Variants in SUGP2 observed in about 807,000 individuals in gnomAD.
The protein encoded by SUGP2 is SURP and G-patch domain containing 2, also known as SURP and G-patch domain-containing protein 2.
Under a neutral mutation model 90.5 loss-of-function variants are expected in SUGP2, and 24 were observed. The ratio of observed to expected loss-of-function variants is 0.27; its 90% CI spans 0.19 to 0.37. The LOEUF (loss-of-function observed/expected upper bound fraction) is 0.37. Among genes scored for constraint, SUGP2 ranks in the 10% least tolerant of loss-of-function variants. The probability of loss-of-function intolerance (pLI) is 1.00; values close to 1 mark genes in which losing one functional copy is unlikely to be tolerated. For missense variants in SUGP2, 1,233 were observed against 1,363.3 expected (o/e 0.90, Z 1.51); for synonymous variants, 473 against 513.4 (o/e 0.92, Z 1.06).
At chr19:19,016,122 T>C (rs1490081448) in intron 4 of SUGP2, among the ~76,000 whole-genome samples, 1 of 152,186 alleles carries the variant, frequency 6.6e-6, no homozygotes, top group African/African-American at 2.4e-5. Flanking sequence ...ATGATACTGG[T>C]TTACCTCAAA....
chr19:18,997,821 C>T (rs1037763385), intron 8 of SUGP2, among the ~76,000 whole-genome samples: 1 of 148,714 alleles, frequency 6.7e-6, no homozygotes, highest in Non-Finnish European at 1.5e-5. Context: ...AGAAAGAAAG[C>T]GATACCCCGA....
chr19:19,018,345 A>C (rs2058578859), intron 4 of SUGP2, among the ~76,000 whole-genome samples: 1 of 151,012 alleles, frequency 6.6e-6, no homozygotes, highest in African/African-American at 2.4e-5. Context: ...CTTGTTCTTT[A>C]CTTTCTCTAA....
At position 19,025,861 on chromosome 19, in the gene SUGP2, T is replaced by G; in HGVS notation, c.487A>C (p.Ser163Arg). The G allele has an allele frequency of 6.2e-7, 1 of 1,614,078 alleles. No individual in the cohort carries two copies. The highest frequency in any genetic ancestry group is 8.5e-7 in the Non-Finnish European group (1 of 1,180,020). Residue 163 changes from serine to arginine, a missense_variant, in exon 3 of 11, where the codon AGT becomes CGT. By Grantham distance (110) the Ser-to-Arg change is moderately radical (BLOSUM62 -1). Transcript: ENST00000452918. Reference protein sequence around the residue: ...SQESSWSQEYSFGPSAVLGDF... With the variant: ...SQESSWSQEYRFGPSAVLGDF... ...CCCAAAACTGCAGAGGGACCAAAAC[T>G]ATACTCCTGTGACCAAGAGGACTCT...
intron 4 of SUGP2, among the ~76,000 whole-genome samples, chr19:19,010,574 C>T (rs1433434275): frequency 6.6e-6 from 1 of 152,164 alleles, no homozygotes; most frequent in Non-Finnish European, 1.5e-5. Flanking sequence ...TGATTTCCAT[C>T]AGCAGCAGCC....
intron 3 of SUGP2, among the ~76,000 whole-genome samples, chr19:19,020,516 T>C (rs2058684232): frequency 6.7e-6 from 1 of 150,320 alleles, no homozygotes; most frequent in East Asian, 2.1e-4. Flanking sequence ...CCATGACAGC[T>C]CACTGCAGCC....
intron 4 of SUGP2, 99 bp from the exon 5 acceptor site, chr19:19,010,441 C>G: frequency 6.8e-7 from 1 of 1,473,252 alleles, no homozygotes; most frequent in East Asian, 2.3e-5. Context: ...GCCAACTCCT[C>G]ACTGTCCTCT....
rs1599412303 is a variant in SUGP2 at position 19,000,998 on chromosome 19, T to C, written c.2991+615A>G. On this transcript the variant is annotated intron_variant, in intron 8 of 10. Transcript: ENST00000452918. ...GGGATCACAAGTGTAAGACACCCAA[T>C]CGGCCTTAGCTTGAACTTCTTTTTT... is the stretch of plus-strand genomic sequence containing the variant. Among the ~76,000 whole-genome samples the C allele has an allele frequency of 4.6e-5, 7 of 151,136 alleles. No homozygotes were observed. The South Asian group carries it at 1.5e-3, about 32-fold the overall frequency.
chr19:19,024,925 G>A lies in SUGP2; in HGVS notation c.1423C>T (p.Leu475Phe). 1 of 1,614,224 alleles carries A rather than the reference G, an allele frequency of 6.2e-7. No homozygotes were observed. The highest frequency in any genetic ancestry group is 8.5e-7 in the Non-Finnish European group (1 of 1,180,040). ...LALALETTNS[L>F]CRKSLALLGQ... ...AAAAGGGCCAAAGACTTCCGGCAGA[G>A]AGAGTTGGTGGTTTCTAGGGCAAGA... The change falls in exon 3 of 11, where the codon CTC (leucine) becomes TTC (phenylalanine). Residue 475 changes from leucine (L) to phenylalanine (F), a missense_variant. Leu to Phe is a conservative substitution (Grantham distance 22, BLOSUM62 0). This residue lies in a region of SUGP2 where 59 missense variants were observed against 92.6 expected (regional missense o/e 0.64). Transcript: ENST00000452918.
At chr19:18,996,875 T>C (rs2145259133) in intron 8 of SUGP2, among the ~76,000 whole-genome samples, 1 of 152,208 alleles carries the variant, frequency 6.6e-6, no homozygotes, top group South Asian at 2.1e-4. Context: ...ATTTAAGGCA[T>C]TTACTGAACG....
At chr19:18,997,269 G>T (rs902958822) in intron 8 of SUGP2, among the ~76,000 whole-genome samples, 1 of 152,018 alleles carries the variant, frequency 6.6e-6, no homozygotes, top group Non-Finnish European at 1.5e-5. Context: ...GGCACAAAAG[G>T]CTGAGCCTGG....
chr19:19,030,937 A>C lies in SUGP2; in HGVS notation c.121+14T>G, dbSNP rs761208398. On this transcript the variant is annotated intron_variant, in intron 2 of 10. Coordinates refer to ENST00000452918, the MANE Select transcript of SUGP2 (RefSeq NM_001017392.5). ...TACCAAAACAACAACTACAACAACA[A>C]CACTTTATTTTACCTTGAGCTTTAA... The C allele has an allele frequency of 3.3e-5, 53 of 1,605,696 alleles. No homozygotes were observed. Among genetic ancestry groups the C allele is most frequent in the Admixed American group, 1.9e-4 (11 of 57,634 alleles).
Position 19,010,007 on chromosome 19 carries a change from T to C in SUGP2, c.2186A>G (p.Asp729Gly). ...GLSQAKPSLPDRNDAAKDCPP... is the reference protein window; with the variant it reads ...GLSQAKPSLPGRNDAAKDCPP... Reference sequence around the variant, plus strand: ...GCAGTCCTTGGCAGCATCATTTCTGTCTGGCAGGGATGGTTTTGCCTGTGA... The same window carrying C: ...GCAGTCCTTGGCAGCATCATTTCTGCCTGGCAGGGATGGTTTTGCCTGTGA... The change falls in exon 5 of 11, where the codon GAC becomes GGC. Residue 729 changes from aspartate (D) to glycine (G), a missense_variant. By Grantham distance (94) the Asp-to-Gly change is moderately conservative (BLOSUM62 -1). Transcript: ENST00000452918. 1 of 1,614,038 alleles carries C rather than the reference T, an allele frequency of 6.2e-7. No homozygotes were observed. Among genetic ancestry groups the C allele is most frequent in the Non-Finnish European group, 8.5e-7 (1 of 1,180,026 alleles).
At chr19:19,002,653 T>A (rs2313736) in intron 7 of SUGP2, among the ~76,000 whole-genome samples, 126,483 of 151,346 alleles carry the variant, frequency 0.84, 53,064 homozygotes, top group African/African-American at 0.89. Context: ...AGCTGGGATT[T>A]CAGGAATGCG....
rs1237618118 is a variant in SUGP2 at position 19,004,157 on chromosome 19, C to T, written c.2929+11G>A. 16 of 1,536,792 alleles carry T rather than the reference C, an allele frequency of 1.0e-5. No individual in the cohort carries two copies. The highest frequency in any genetic ancestry group is 4.5e-5 in the East Asian group (2 of 44,088). ...TGCTAGAGGCAACTGTGCCGACAGG[C>T]GGGCACTCACCTTTTGGCTCCTGGA... On this transcript the variant is annotated intron_variant, in intron 7 of 10. Transcript: ENST00000452918.
At chr19:19,023,177 G>A (rs1192978335) in intron 3 of SUGP2, among the ~76,000 whole-genome samples, 1 of 152,186 alleles carries the variant, frequency 6.6e-6, no homozygotes, top group African/African-American at 2.4e-5. Context: ...TGAGTAGGGC[G>A]AAAAGGTGTA....
In SUGP2 at chr19:18,994,461, A is replaced by G; in HGVS notation, c.3154T>C (p.Leu1052=). ...TTGTGCTCCTGCCCGTCAGCACCCA[A>G]CCCTTCCCCTTCCGAGGGGGTTCCC... ...SVGTPSEGEG[L]GADGQEHKED... The change falls in exon 10 of 11, where the codon TTG becomes CTG. Residue 1052 remains leucine (L), a synonymous_variant. Coordinates refer to ENST00000452918, the MANE Select transcript of SUGP2 (RefSeq NM_001017392.5). The G allele has an allele frequency of 1.9e-6, 3 of 1,613,984 alleles. No homozygotes were observed.
rs777711322 is a variant in SUGP2, at chr19:19,004,530, TCAC to T, written c.2564_2566del (p.Gly855del). Reference sequence around the variant, plus strand: ...GGGGCTCTCCTGAGAACCCGTGGTGTCACCACCACCAGTGTGAAGGTTGTGCGG... The same window carrying T: ...GGGGCTCTCCTGAGAACCCGTGGTGTCACCACCAGTGTGAAGGTTGTGCGG... On this transcript the variant is annotated inframe_deletion, in exon 7 of 11. Transcript: ENST00000452918. 9.3e-6 allele frequency: 15 copies of T among 1,614,226 alleles called. No homozygotes were observed. The African/African-American group carries it at 1.6e-4, about 17-fold the overall frequency.
intron 5 of SUGP2, 97 bp downstream of exon 5, chr19:19,009,758 T>C (rs528242806): frequency 1.4e-6 from 2 of 1,460,748 alleles, no homozygotes; most frequent in Non-Finnish European, 9.1e-7. Flanking sequence ...ATCCACTGCC[T>C]TGCCTAGATT....
intron 9 of SUGP2, 170 bp from the exon 10 acceptor site, chr19:18,994,656 C>T (rs1176602989): frequency 1.0e-6 from 1 of 958,432 alleles, no homozygotes; most frequent in Non-Finnish European, 1.5e-6. Context: ...AAGGAGTACT[C>T]ACCCTCGAAG....
Sources: gnomAD v4.1 joint callset for allele counts (sites outside exome capture counted in the v4.1 genomes callset) on GRCh38, gnomAD v4.1.1 for gene constraint, gnomAD v4.1.1 regional missense constraint, MANE v1.5 for transcripts, NCBI Gene and HGNC (gene_info 2026-07-23, HGNC 2026-07-21) for gene names.